The following PRDM11 variants were observed in gnomAD, a reference collection of about 807,000 sequenced individuals.
PRDM11 encodes the protein PR domain-containing protein 11.
PRDM11 carries 20 observed loss-of-function variants against 97.8 expected under a neutral mutation model. The ratio of observed to expected loss-of-function variants is 0.20; its 90% CI spans 0.14 to 0.30. The LOEUF (loss-of-function observed/expected upper bound fraction) is 0.30, where lower values mean the gene tolerates loss of function less well. Ranked by LOEUF, PRDM11 falls within the 10% of genes least tolerant of loss-of-function variation. The pLI is 1.00. For synonymous variants in PRDM11, 599 were observed against 637.7 expected (o/e 0.94, Z 0.91); for missense variants, 1,139 against 1,555.2 (o/e 0.73, Z 4.50).
chr11:45,193,713 C>T (rs1236968540), intron 4 of PRDM11, among the ~76,000 whole-genome samples: 1 of 152,202 alleles, frequency 6.6e-6, no homozygotes, highest in Non-Finnish European at 1.5e-5. Context: ...GCCCACAAGC[C>T]GTAGTTTGCT....
intron 1 of PRDM11, among the ~76,000 whole-genome samples, chr11:45,138,748 A>T (rs554228809): frequency 3.3e-5 from 5 of 152,276 alleles, no homozygotes; most frequent in African/African-American, 1.2e-4. Context: ...ACAAACAAAC[A>T]AAAAGAGCAA....
intron 1 of PRDM11, among the ~76,000 whole-genome samples, chr11:45,161,196 A>G (rs529267601): frequency 1.3e-5 from 2 of 152,316 alleles, no homozygotes; most frequent in African/African-American, 4.8e-5. Flanking sequence ...AGTGTTTACC[A>G]TGTGCCATGC....
chr11:45,129,709 C>G (rs559621800), intron 1 of PRDM11, among the ~76,000 whole-genome samples: 41 of 152,210 alleles, frequency 2.7e-4, no homozygotes, highest in Middle Eastern at 6.8e-3. Context: ...AAATAGCAAT[C>G]TCTCTCCAAA....
At chr11:45,195,036 A>AG (rs1377203536) in intron 4 of PRDM11, among the ~76,000 whole-genome samples, 2 of 151,956 alleles carry the variant, frequency 1.3e-5, no homozygotes, top group African/African-American at 4.8e-5. Context: ...TCAGATGTGA[A>AG]TATCTAGAAT....
intron 1 of PRDM11, among the ~76,000 whole-genome samples, chr11:45,115,767 T>TA (rs1212850874): frequency 2.0e-5 from 3 of 151,734 alleles, no homozygotes; most frequent in East Asian, 1.9e-4. Flanking sequence ...CTGTCTCTAC[T>TA]AAAAATAGAA....
intron 1 of PRDM11, among the ~76,000 whole-genome samples, chr11:45,178,398 T>C (rs888746987): frequency 6.6e-6 from 1 of 152,154 alleles, no homozygotes; most frequent in Non-Finnish European, 1.5e-5. Flanking sequence ...GCTCTGAGTC[T>C]CATGAGTCTA....
intron 3 of PRDM11, 72 bp downstream of exon 3, chr11:45,182,421 A>C (rs1852542831): frequency 4.4e-6 from 6 of 1,372,618 alleles, no homozygotes; most frequent in Non-Finnish European, 6.1e-6. Context: ...TAGGGAATTC[A>C]CAACAATGCT....
At chr11:45,199,409 G>A (rs181107674) in intron 4 of PRDM11, among the ~76,000 whole-genome samples, 24 of 152,296 alleles carry the variant, frequency 1.6e-4, no homozygotes, top group African/African-American at 3.8e-4. Context: ...ATGCATGCGC[G>A]TTCTAACCAT....
rs773521100 is a variant in PRDM11 at position 45,226,808 on chromosome 11, G to C, written c.2183G>C (p.Gly728Ala). ...TTGCAGGATGAAAAGCCAACTGTTG[G>C]CTTGGGTGTAGATGGAGCCAACATC... Reference protein sequence around the residue: ...IRLQDEKPTVGLGVDGANITA... With the variant: ...IRLQDEKPTVALGVDGANITA... Residue 728 changes from glycine to alanine, a missense_variant, in exon 8 of 8, where the codon GGC becomes GCC. By Grantham distance (60) the Gly-to-Ala change is moderately conservative (BLOSUM62 0). This residue lies in a region of PRDM11 where 710 missense variants were observed against 1,044.9 expected (regional missense o/e 0.68). Coordinates refer to ENST00000683152, the MANE Select transcript of PRDM11 (RefSeq NM_001384648.1). 7.2e-6 allele frequency: 11 copies of C among 1,533,808 alleles called. No homozygotes were observed. Among genetic ancestry groups the C allele is most frequent in the South Asian group, 3.6e-5 (3 of 83,972 alleles).
rs148260787 is a variant in PRDM11, at chr11:45,173,979, A to G, written c.-6-7782A>G. ...ACAAACTTATTATACCCATGGGATG[A>G]GCACCCAGATGAAGAAATAGAACAT... On this transcript the variant is annotated intron_variant, in intron 1 of 7. Coordinates refer to ENST00000683152, the MANE Select transcript of PRDM11 (RefSeq NM_001384648.1). 3.3e-5 allele frequency among the ~76,000 whole-genome samples: 5 copies of G among 152,346 alleles called. No individual in the cohort carries two copies. The East Asian group carries it at 9.6e-4, about 29-fold the overall frequency.
intron 1 of PRDM11, among the ~76,000 whole-genome samples, chr11:45,110,377 G>C (rs1040203450): frequency 1.3e-5 from 2 of 152,162 alleles, no homozygotes; most frequent in Non-Finnish European, 2.9e-5. Flanking sequence ...AACGTAAAAG[G>C]GGGGTGGGGA....
rs1317004740 is a variant in PRDM11 at position 45,226,559 on chromosome 11, G to A, written c.1934G>A (p.Arg645Gln). Residue 645 changes from arginine (R) to glutamine (Q), a missense_variant, in exon 8 of 8, where the codon CGG (arginine) becomes CAG (glutamine). Coordinates refer to ENST00000683152, the MANE Select transcript of PRDM11 (RefSeq NM_001384648.1). ...ILIHHIARAL[R>Q]EDLVERIRQS... Reference sequence around the variant, plus strand: ...ATCCATCACATCGCCCGGGCCCTGCGGGAAGACCTGGTGGAGCGCATCCGC... The same window carrying A: ...ATCCATCACATCGCCCGGGCCCTGCAGGAAGACCTGGTGGAGCGCATCCGC... The A allele has an allele frequency of 1.4e-5, 22 of 1,533,784 alleles. No homozygotes were observed. Among genetic ancestry groups the A allele is most frequent in the Middle Eastern group, 2.3e-4 (1 of 4,380 alleles).
intron 1 of PRDM11, among the ~76,000 whole-genome samples, chr11:45,180,385 C>G (rs1234706314): frequency 3.3e-5 from 5 of 152,126 alleles, no homozygotes; most frequent in African/African-American, 1.2e-4. Context: ...GTCGCCGCCA[C>G]ACCAAGGCAG....
At position 45,219,486 on chromosome 11, in the gene PRDM11, C is replaced by T. The variant is rs775445496; in HGVS notation, c.555-84C>T. 2.4e-5 allele frequency: 32 copies of T among 1,351,832 alleles called. No homozygotes were observed. The highest frequency in any genetic ancestry group is 3.0e-5 in the Non-Finnish European group (30 of 985,242). The allele number at this position is 1,351,832 out of a possible 1,614,324, so 83.7% of individuals were successfully genotyped here. ...GTGCCTGTGGACTTCTAACCATCCA[C>T]ACTTGCCCAGCACTGTGCCGGCACC... On this transcript the variant is annotated intron_variant, in intron 5 of 7. Transcript: ENST00000683152. This position sits in a 1 kb window ranked among gnomAD's most constrained non-coding sequence, Gnocchi z 4.2.
At position 45,227,048 on chromosome 11, in the gene PRDM11, C is replaced by T. The variant is rs923220815; in HGVS notation, c.2423C>T (p.Thr808Met). The T allele has an allele frequency of 1.0e-5, 16 of 1,533,826 alleles. No homozygotes were observed. Among genetic ancestry groups the T allele is most frequent in the East Asian group, 2.4e-5 (1 of 40,922 alleles). ...CGCCTCATGTGCGAGCTGCGGTCCA[C>T]GGCGGCCACCCTTTGTGAGGAGACA... ...SPRLMCELRS[T>M]AATLCEETEF... Residue 808 changes from threonine (T) to methionine (M), a missense_variant, in exon 8 of 8, where the codon ACG (threonine) becomes ATG (methionine). Thr to Met is a moderately conservative substitution (Grantham distance 81). Coordinates refer to ENST00000683152, the MANE Select transcript of PRDM11 (RefSeq NM_001384648.1). The surrounding 1 kb of genome is among the most constrained non-coding windows in gnomAD (Gnocchi z 8.0).
chr11:45,095,204 C>A (rs1255237028), upstream of PRDM11, among the ~76,000 whole-genome samples: 1 of 152,180 alleles, frequency 6.6e-6, no homozygotes, highest in Non-Finnish European at 1.5e-5. Flanking sequence ...TGTCTCCCTG[C>A]CATGGGCCTC....
chr11:45,161,002 G>A (rs1851914356), intron 1 of PRDM11, among the ~76,000 whole-genome samples: 1 of 152,146 alleles, frequency 6.6e-6, no homozygotes, highest in African/African-American at 2.4e-5. Context: ...GGCAGCTGTT[G>A]TAGGAAGTGA....
rs1179136677 is a variant in PRDM11 at position 45,115,928 on chromosome 11, C to CA, written c.96+20040dup. On this transcript the variant is annotated intron_variant, in intron 1 of 6. Transcript: ENST00000530656. ...CTGGGTGACGAGTGAAACTCCATCT[C>CA]AAAAAAAAAAAAAGAAAAAAAGAAA... Among the ~76,000 whole-genome samples the CA allele has an allele frequency of 6.0e-3, 335 of 56,124 alleles. 1 individual carries two copies. Among genetic ancestry groups the CA allele is most frequent in the East Asian group, 0.014 (29 of 2,016 alleles). The allele number at this position is 56,124 out of a possible 152,430, so 36.8% of individuals were successfully genotyped here. A position where few individuals can be genotyped will look rare whatever the true frequency, so the allele number is the denominator to read the frequency against.
intron 4 of PRDM11, among the ~76,000 whole-genome samples, chr11:45,183,876 A>G (rs1466913457): frequency 6.6e-6 from 1 of 152,222 alleles, no homozygotes; most frequent in Non-Finnish European, 1.5e-5. Flanking sequence ...GGCCCTGGAA[A>G]TACAGTGGTG....
Sources: allele counts gnomAD v4.1 joint callset (sites outside exome capture counted in the v4.1 genomes callset), GRCh38; gene constraint gnomAD v4.1.1; regional missense constraint gnomAD v4.1.1; non-coding constraint Gnocchi (gnomAD v3.1); transcripts MANE v1.5; gene names NCBI Gene and HGNC (gene_info 2026-07-23, HGNC 2026-07-21).